Variants in ZFP62 observed in about 807,000 individuals in gnomAD.
ZFP62 encodes the protein ZFP62 zinc finger protein, also known as zinc finger protein 62 homolog.
A neutral mutation model predicts 56.4 loss-of-function variants in ZFP62; 44 were observed. The ratio of observed to expected loss-of-function variants is 0.78; its 90% confidence interval spans 0.61 to 1.00. The LOEUF is 1.00. ZFP62 is among the 50% of genes least tolerant of loss of function. The pLI is 0.00. For missense variants in ZFP62, 1,030 were observed against 1,085.7 expected (o/e 0.95, Z 0.72); for synonymous variants, 421 against 388.9 (o/e 1.08, Z -0.97).
Position 180,849,685 on chromosome 5 carries a change from GGGTTC to G in ZFP62, c.1805_1809del (p.Arg602ProfsTer17). The G allele has an allele frequency of 2.6e-6, 4 of 1,551,822 alleles. No homozygotes were observed. In the Middle Eastern group the frequency reaches 6.7e-4, roughly 259 times the overall value. ...AGATGAACTTTTTTGTGGTTTGTAA[GGGTTC>G]GGTATGTGATGAAGGCCTTCTCACA... On this transcript the variant is annotated frameshift_variant, in exon 2 of 2. Coordinates refer to ENST00000502412, the MANE Select transcript of ZFP62 (RefSeq NM_001172638.2). LOFTEE classifies it high-confidence loss of function.
At position 180,849,357 on chromosome 5, in the gene ZFP62, C is replaced by G. The variant is rs1359649216; in HGVS notation, c.2138G>C (p.Ser713Thr). The change falls in exon 2 of 2, where the codon AGC becomes ACC. Residue 713 changes from serine to threonine, a missense_variant. Physicochemically the swap from Ser to Thr is moderately conservative, Grantham distance 58 (BLOSUM62 1). Coordinates refer to ENST00000502412, the MANE Select transcript of ZFP62 (RefSeq NM_001172638.2). ...CDECGKAFFS[S>T]RTLISHKRVH... ...TCTTTTATGGCTTATAAGAGTTCTG[C>G]TTGAGAAAAAAGCTTTTCCACATTC... 4.5e-6 allele frequency: 7 copies of G among 1,551,412 alleles called. No homozygotes were observed. Among genetic ancestry groups the G allele is most frequent in the Non-Finnish European group, 4.4e-6 (5 of 1,146,928 alleles).
chr5:180,834,712 T>A, the ZFP62 span: 11 of 152,314 alleles, frequency 7.2e-5, no homozygotes, highest in African/African-American at 2.7e-4. Context: ...GCACCTGCTT[T>A]CTGCATCTGG....
chr5:180,834,027 T>G, the ZFP62 span, among the ~76,000 whole-genome samples: 1 of 152,140 alleles, frequency 6.6e-6, no homozygotes, highest in Admixed American at 6.5e-5. Flanking sequence ...GACTGAATGC[T>G]CGTCTGCCCC....
Position 180,850,899 on chromosome 5 carries a change from C to T in ZFP62, c.596G>A (p.Cys199Tyr). ...RIHTGEKPYK[C>Y]EECGKAYMSY... ...CATGTAGGCTTTCCCACATTCCTCA[C>T]ACTTGTACGGCTTCTCCCCAGTGTG... is the stretch of plus-strand genomic sequence containing the variant. The change falls in exon 2 of 2, where the codon TGT (cysteine) becomes TAT (tyrosine). Residue 199 changes from cysteine to tyrosine, a missense_variant. Physicochemically the swap from Cys to Tyr is radical, Grantham distance 194. Transcript: ENST00000502412. 6.4e-7 allele frequency: 1 copy of T among 1,565,744 alleles called. No homozygotes were observed. The highest frequency in any genetic ancestry group is 8.7e-7 in the Non-Finnish European group (1 of 1,155,478).
the ZFP62 span, among the ~76,000 whole-genome samples, chr5:180,838,712 A>T: frequency 6.6e-6 from 1 of 152,236 alleles, no homozygotes; most frequent in East Asian, 1.9e-4. Context: ...TTTCAAAATA[A>T]AATTTTTTTA....
chr5:180,850,446 G>C lies in ZFP62; in HGVS notation c.1049C>G (p.Ser350Cys). ...DECEKSFNYS[S>C]LLIQHKVIHT... ...GATGACTTTATGCTGAATGAGAAGA[G>C]AGCTATAATTAAAAGATTTCTCACA... Residue 350 changes from serine (S) to cysteine (C), a missense_variant, in exon 2 of 2, where the codon TCT (serine) becomes TGT (cysteine). Coordinates refer to ENST00000502412, the MANE Select transcript of ZFP62 (RefSeq NM_001172638.2). The C allele has an allele frequency of 6.4e-7, 1 of 1,553,466 alleles. No homozygotes were observed. The highest frequency in any genetic ancestry group is 8.7e-7 in the Non-Finnish European group (1 of 1,148,030).
chr5:180,846,139 G>A (rs1773406613), downstream of ZFP62, among the ~76,000 whole-genome samples: 1 of 152,154 alleles, frequency 6.6e-6, no homozygotes, highest in African/African-American at 2.4e-5. Context: ...GTGCTACAAG[G>A]GAGACCCCAC....
At chr5:180,860,359 T>G (rs1446498142) in intron 1 of ZFP62, among the ~76,000 whole-genome samples, 2 of 152,178 alleles carry the variant, frequency 1.3e-5, no homozygotes, top group Non-Finnish European at 2.9e-5. Context: ...ATTATTTTTT[T>G]TAAGCCTTGA....
the ZFP62 span, chr5:180,834,476 C>G: frequency 6.6e-6 from 1 of 152,224 alleles, no homozygotes; most frequent in African/African-American, 2.4e-5. Context: ...AAAAGAGACA[C>G]AAGAGCTTGC....
chr5:180,849,910 T>C lies in ZFP62; in HGVS notation c.1585A>G (p.Arg529Gly), dbSNP rs1230023200. The change falls in exon 2 of 2, where the codon AGG (arginine) becomes GGG (glycine). Residue 529 changes from arginine (R) to glycine (G), a missense_variant. Physicochemically the swap from Arg to Gly is moderately radical, Grantham distance 125 (BLOSUM62 -2). Coordinates refer to ENST00000502412, the MANE Select transcript of ZFP62 (RefSeq NM_001172638.2). ...TCATCACACCCAAAGGGTTTTTCCC[T>C]GGTATGAATCCTTTTATGCTGTTCA... ...ALEQHKRIHTREKPFGCDECG... is the reference protein window; with the variant it reads ...ALEQHKRIHTGEKPFGCDECG... 3 of 1,551,566 alleles carry C rather than the reference T, an allele frequency of 1.9e-6. No homozygotes were observed. Among genetic ancestry groups the C allele is most frequent in the South Asian group, 2.4e-5 (2 of 84,060 alleles).
chr5:180,860,546 G>C (rs1581980425), intron 1 of ZFP62: 1 of 151,860 alleles, frequency 6.6e-6, no homozygotes, highest in East Asian at 1.9e-4. Context: ...CTCCTTTTCT[G>C]CTTGCAGGAA....
chr5:180,833,921 G>A, the ZFP62 span, among the ~76,000 whole-genome samples: 5 of 152,072 alleles, frequency 3.3e-5, no homozygotes, highest in South Asian at 4.2e-4. Flanking sequence ...CGCCCGCCTC[G>A]GCCTCCCAAA....
chr5:180,847,103 C>A (rs1773430529), downstream of ZFP62, among the ~76,000 whole-genome samples: 1 of 152,170 alleles, frequency 6.6e-6, no homozygotes. Flanking sequence ...AGATAGGAGT[C>A]CCAGAAGGAG....
At chr5:180,851,615 G>A (rs1473300991) in intron 1 of ZFP62, 122 bp from the exon 2 acceptor site, 20 of 1,151,894 alleles carry the variant, frequency 1.7e-5, no homozygotes, top group Non-Finnish European at 2.3e-5. Context: ...TGTGTGACAG[G>A]TACCATGTGC....
At chr5:180,839,628 G>A in the ZFP62 span, among the ~76,000 whole-genome samples, 1 of 152,206 alleles carries the variant, frequency 6.6e-6, no homozygotes, top group African/African-American at 2.4e-5. Context: ...AGGGCAGGAG[G>A]AGGAAGAGTA....
the ZFP62 span, among the ~76,000 whole-genome samples, chr5:180,832,351 CTA>C: frequency 1.6e-4 from 25 of 152,160 alleles, no homozygotes; most frequent in Non-Finnish European, 3.1e-4. Context: ...TGGGGTTTCA[CTA>C]TGTTGCCCAG....
chr5:180,841,006 T>C, the ZFP62 span, among the ~76,000 whole-genome samples: 2 of 152,140 alleles, frequency 1.3e-5, no homozygotes, highest in Non-Finnish European at 2.9e-5. Context: ...GGTTTTTTTG[T>C]TTTTTGTTGC....
In ZFP62 at chr5:180,848,803, T is replaced by A; in HGVS notation, c.2692A>T (p.Met898Leu). The A allele has an allele frequency of 6.5e-7, 1 of 1,530,972 alleles. No individual in the cohort carries two copies. Among genetic ancestry groups the A allele is most frequent in the Middle Eastern group, 1.7e-4 (1 of 5,882 alleles). The allele number at this position is 1,530,972 out of a possible 1,614,324, so 94.8% of individuals were successfully genotyped here. A position where few individuals can be genotyped will look rare whatever the true frequency, so the allele number is the denominator to read the frequency against. The change falls in exon 2 of 2, where the codon ATG (methionine) becomes TTG (leucine). Residue 898 changes from methionine to leucine, a missense_variant. Transcript: ENST00000502412. ...GTAAGCTCTGCCTGCTACAGAGGCATCCTCATCCTGCCCCCATCCAGGGCA... is the reference window on the plus strand; with the variant it reads ...GTAAGCTCTGCCTGCTACAGAGGCAACCTCATCCTGCCCCCATCCAGGGCA... ...GNALDGGRMR[M>L]PL
At chr5:180,858,469 G>A (rs1291330042) in intron 1 of ZFP62, among the ~76,000 whole-genome samples, 1 of 151,884 alleles carries the variant, frequency 6.6e-6, no homozygotes, top group Non-Finnish European at 1.5e-5. Flanking sequence ...CAGATGTGGT[G>A]GTGCACACCT....
Sources: allele counts gnomAD v4.1 joint callset (sites outside exome capture counted in the v4.1 genomes callset), GRCh38; gene constraint gnomAD v4.1.1; transcripts MANE v1.5; gene names NCBI Gene and HGNC (gene_info 2026-07-23, HGNC 2026-07-21).